The following DENND4C variants were observed in gnomAD, a reference collection of about 807,000 sequenced individuals.
DENND4C encodes the protein DENN domain containing 4C.
DENND4C carries 108 observed loss-of-function variants against 203.0 expected under a neutral mutation model. The observed-to-expected ratio is 0.53, with a 90% CI of 0.46 to 0.62. DENND4C has a LOEUF of 0.62. Ranked by LOEUF, DENND4C falls within the 20% of genes least tolerant of loss-of-function variation. The pLI, the probability that DENND4C is intolerant of heterozygous loss-of-function variation, is 0.00. For synonymous variants in DENND4C, 871 were observed against 792.4 expected, an observed-to-expected ratio of 1.10 and a Z score of -1.67; for missense variants, 2,481 against 2,301.2, an observed-to-expected ratio of 1.08 and a Z score of -1.60.
rs1301119899 is a variant in DENND4C, at chr9:19,357,052, A to G, written c.4862A>G (p.Lys1621Arg). The G allele has an allele frequency of 6.2e-7, 1 of 1,613,880 alleles. No individual in the cohort carries two copies. Among genetic ancestry groups the G allele is most frequent in the African/African-American group, 1.3e-5 (1 of 74,926 alleles). The change falls in exon 27 of 33, where the codon AAA becomes AGA. Residue 1621 changes from lysine to arginine, a missense_variant. Lys to Arg is a conservative substitution (Grantham distance 26). Around this residue, in one of 3 missense-constraint regions of DENND4C, gnomAD observed 2,289 missense variants for 2,113.3 expected, o/e 1.08. Transcript: ENST00000434457. ...TTGGCAAATGAATCCTTGGAGCACA[A>G]ACCTGTATCCAGTTTAGCAGAACCT... Reference protein sequence around the residue: ...IPLANESLEHKPVSSLAEPDL... With the variant: ...IPLANESLEHRPVSSLAEPDL...
rs541908329 is a variant in DENND4C at position 19,350,939 on chromosome 9, T to A, written c.4495+60T>A. On this transcript the variant is annotated intron_variant, in intron 24 of 32. Transcript: ENST00000434457. ...TATAATAGTTTTTGCTTTTTTTTTT[T>A]AATTTAAGAGACGGGGTTTTGTCTT... 3.6e-5 allele frequency: 53 copies of A among 1,466,352 alleles called. No individual in the cohort carries two copies. The Middle Eastern group carries it at 9.1e-4, about 25-fold the overall frequency. The allele number at this position is 1,466,352 out of a possible 1,614,324, so 90.8% of individuals were successfully genotyped here.
rs777649113 is a variant in DENND4C, at chr9:19,325,992, T to A, written c.1989+18T>A. On this transcript the variant is annotated intron_variant, in intron 14 of 32. Transcript: ENST00000434457. ...CAGATAAGGTATGTTTTTCTTAGAT[T>A]TTAAGGGTTGAAATTTCAGAATTAG... is the stretch of plus-strand genomic sequence containing the variant. The A allele has an allele frequency of 8.1e-6, 13 of 1,608,916 alleles. No homozygotes were observed. The East Asian group carries it at 2.5e-4, about 30-fold the overall frequency.
chr9:19,304,615 C>A (rs1839281531), intron 9 of DENND4C, among the ~76,000 whole-genome samples: 1 of 151,766 alleles, frequency 6.6e-6, no homozygotes, highest in Non-Finnish European at 1.5e-5. Context: ...CTGCTCACTG[C>A]AAGCTCCACC....
chr9:19,247,084 A>AG (rs1318800600), intron 1 of DENND4C, among the ~76,000 whole-genome samples: 1 of 152,144 alleles, frequency 6.6e-6, no homozygotes, highest in African/African-American at 2.4e-5. Flanking sequence ...ATTTGACACA[A>AG]GTGATTGATC....
chr9:19,313,799 G>T (rs771265633), intron 10 of DENND4C, among the ~76,000 whole-genome samples: 1 of 152,122 alleles, frequency 6.6e-6, no homozygotes, highest in African/African-American at 2.4e-5. Flanking sequence ...TGCCAGTAGC[G>T]TGCTGTCAAA....
Position 19,345,947 on chromosome 9 carries a change from A to G in DENND4C, c.3178A>G (p.Thr1060Ala). Residue 1060 changes from threonine to alanine, a missense_variant, in exon 23 of 33, where the codon ACT (threonine) becomes GCT (alanine). Thr to Ala is a moderately conservative substitution (Grantham distance 58). This residue lies in a region of DENND4C where 2,289 missense variants were observed against 2,113.3 expected (regional missense o/e 1.08). Coordinates refer to ENST00000434457, the MANE Select transcript of DENND4C (RefSeq NM_001330640.2). ...TGSISNVLFSTQDPVEDAVFG... is the reference protein window; with the variant it reads ...TGSISNVLFSAQDPVEDAVFG... ...TAGTATATCAAATGTGCTGTTTTCTACTCAAGATCCAGTTGAAGATGCAGT... is the reference window on the plus strand; with the variant it reads ...TAGTATATCAAATGTGCTGTTTTCTGCTCAAGATCCAGTTGAAGATGCAGT... 6.2e-7 allele frequency: 1 copy of G among 1,613,398 alleles called. No individual in the cohort carries two copies. Among genetic ancestry groups the G allele is most frequent in the Non-Finnish European group, 8.5e-7 (1 of 1,179,798 alleles).
chr9:19,328,947 G>T (rs1396130664), intron 16 of DENND4C, among the ~76,000 whole-genome samples: 1 of 152,028 alleles, frequency 6.6e-6, no homozygotes, highest in Non-Finnish European at 1.5e-5. Flanking sequence ...TACTGGGGAG[G>T]CTGAGACAGG....
At position 19,324,507 on chromosome 9, in the gene DENND4C, G is replaced by T; in HGVS notation, c.1953G>T (p.Lys651Asn). 1 of 1,600,600 alleles carries T rather than the reference G, an allele frequency of 6.2e-7. No individual in the cohort carries two copies. Among genetic ancestry groups the T allele is most frequent in the Non-Finnish European group, 8.5e-7 (1 of 1,177,126 alleles). The change falls in exon 13 of 33, where the codon AAG (lysine) becomes AAT (asparagine). Residue 651 changes from lysine to asparagine, a missense_variant and splice_region_variant. This residue lies in a region of DENND4C where 2,289 missense variants were observed against 2,113.3 expected (regional missense o/e 1.08). Transcript: ENST00000434457. Reference sequence around the variant, plus strand: ...CATTTTTTGATGACTGCATAGAAAAGGTAAAAGTTTGTACTTATACTAGTG... The same window carrying T: ...CATTTTTTGATGACTGCATAGAAAATGTAAAAGTTTGTACTTATACTAGTG... ...GLAFFDDCIE[K>N]LFPDKGTEKT...
chr9:19,236,145 AAG>A (rs1364280242), intron 1 of DENND4C, among the ~76,000 whole-genome samples: 1 of 152,100 alleles, frequency 6.6e-6, no homozygotes, highest in Non-Finnish European at 1.5e-5. Flanking sequence ...AAATTATGGA[AAG>A]AGGATCTATT....
At chr9:19,336,625 T>G (rs1264789545) in intron 19 of DENND4C, 61 bp from the exon 20 acceptor site, 23 of 1,495,980 alleles carry the variant, frequency 1.5e-5, no homozygotes, top group Non-Finnish European at 1.9e-5. Context: ...GGGTCAATCA[T>G]GTTTAGTTTA....
At chr9:19,245,643 T>G (rs1318913129) in intron 1 of DENND4C, among the ~76,000 whole-genome samples, 1 of 152,010 alleles carries the variant, frequency 6.6e-6, no homozygotes, top group Admixed American at 6.6e-5. Flanking sequence ...GATCACGAAG[T>G]CAGGGGTTCG....
chr9:19,262,380 G>A (rs1829593491), intron 1 of DENND4C, among the ~76,000 whole-genome samples: 2 of 150,080 alleles, frequency 1.3e-5, no homozygotes, highest in Admixed American at 6.6e-5. Context: ...GAGCCTCTGT[G>A]CCTGGCTGAA....
rs893582445 is a variant in DENND4C at position 19,317,322 on chromosome 9, A to T, written c.1807+483A>T. Among the ~76,000 whole-genome samples, 4 of 151,834 alleles carry T rather than the reference A, an allele frequency of 2.6e-5. No homozygotes were observed. In the South Asian group the frequency reaches 8.3e-4, roughly 32 times the overall value. ...GGTGTGAGCCACTGCACTTGGCCAGATGTGTACACTTTTGGCTTTACAATT... is the reference window on the plus strand; with the variant it reads ...GGTGTGAGCCACTGCACTTGGCCAGTTGTGTACACTTTTGGCTTTACAATT... On this transcript the variant is annotated intron_variant, in intron 12 of 32. Transcript: ENST00000434457.
chr9:19,257,024 C>T (rs184476999), intron 1 of DENND4C, among the ~76,000 whole-genome samples: 4,375 of 150,332 alleles, frequency 0.029, 86 homozygotes, highest in African/African-American at 0.046. Flanking sequence ...GAGCCGAGAT[C>T]ACGCCACTGT....
At position 19,358,127 on chromosome 9, in the gene DENND4C, A is replaced by C; in HGVS notation, c.5127A>C (p.Thr1709=). The stretch of plus-strand genomic sequence containing the variant: ...AGCGACCGTTTCATGGCATCTCAAC[A>C]GTTAGTCTTCCAAATAGTCTGCAGG... ...FTQRPFHGIS[T]VSLPNSLQEV... is the part of the protein sequence containing the mutation. Residue 1709 remains threonine, a synonymous_variant, in exon 28 of 33, where the codon ACA becomes ACC. Transcript: ENST00000434457. This position sits in a 1 kb window ranked among gnomAD's most constrained non-coding sequence, Gnocchi z 4.8. 1 of 1,613,842 alleles carries C rather than the reference A, an allele frequency of 6.2e-7. No homozygotes were observed. The highest frequency in any genetic ancestry group is 8.5e-7 in the Non-Finnish European group (1 of 1,179,766).
intron 1 of DENND4C, among the ~76,000 whole-genome samples, chr9:19,264,002 G>A (rs1396060815): frequency 6.6e-6 from 1 of 152,042 alleles, no homozygotes; most frequent in African/African-American, 2.4e-5. Context: ...TTTGGTAACA[G>A]GTTCATACTG....
rs777315190 is a variant in DENND4C at position 19,316,675 on chromosome 9, A to T, written c.1643A>T (p.Asp548Val). Residue 548 changes from aspartate to valine, a missense_variant, in exon 12 of 33, where the codon GAT (aspartate) becomes GTT (valine). Physicochemically the swap from Asp to Val is radical, Grantham distance 152. Transcript: ENST00000434457. ...SAIDMTPIEA[D>V]FSWQKKMTQL... is the part of the protein sequence containing the mutation. ...ATTGACATGACTCCAATTGAAGCAG[A>T]TTTCTCCTGGCAAAAGAAGATGACA... The T allele has an allele frequency of 6.2e-7, 1 of 1,614,124 alleles. No homozygotes were observed. Among genetic ancestry groups the T allele is most frequent in the Non-Finnish European group, 8.5e-7 (1 of 1,180,008 alleles).
intron 9 of DENND4C, among the ~76,000 whole-genome samples, chr9:19,302,520 C>T (rs975281433): frequency 3.3e-5 from 5 of 152,002 alleles, no homozygotes; most frequent in Non-Finnish European, 7.4e-5. Flanking sequence ...GTGATAGTTG[C>T]AGATGTAACA....
At chr9:19,279,593 C>T (rs1412350904) in intron 2 of DENND4C, among the ~76,000 whole-genome samples, 1 of 151,874 alleles carries the variant, frequency 6.6e-6, no homozygotes, top group Non-Finnish European at 1.5e-5. Context: ...AGGAGAATCA[C>T]TTGAACCCAG....
Sources: gnomAD v4.1 joint callset for allele counts (sites outside exome capture counted in the v4.1 genomes callset) on GRCh38, gnomAD v4.1.1 for gene constraint, gnomAD v4.1.1 regional missense constraint, Gnocchi (gnomAD v3.1) non-coding constraint, MANE v1.5 for transcripts, NCBI Gene and HGNC (gene_info 2026-07-23, HGNC 2026-07-21) for gene names.